The following CARNMT1 variants were observed in gnomAD, a reference collection of about 807,000 sequenced individuals.
CARNMT1 encodes carnosine N-methyltransferase 1.
CARNMT1 carries 28 observed loss-of-function variants against 49.6 expected under a neutral mutation model. That is an observed-to-expected ratio of 0.56 (90% CI 0.42 to 0.77). The LOEUF (loss-of-function observed/expected upper bound fraction) is 0.77. CARNMT1 is among the 30% of genes least tolerant of loss of function. CARNMT1 has a pLI of 0.00. For synonymous variants in CARNMT1, 178 were observed against 175.0 expected, an observed-to-expected ratio of 1.02 and a Z score of -0.13; for missense variants, 421 against 512.6, an observed-to-expected ratio of 0.82 and a Z score of 1.73.
At position 75,016,402 on chromosome 9, in the gene CARNMT1, T is replaced by C. The variant is rs377279854; in HGVS notation, c.456A>G (p.Thr152=). Residue 152 remains threonine (T), a synonymous_variant, in exon 3 of 8, where the codon ACA becomes ACG. Coordinates refer to ENST00000376834, the MANE Select transcript of CARNMT1 (RefSeq NM_152420.3). The part of the protein sequence containing the change: ...DGNGKIMPAS[T]FDMDKLKSTL... ...TGGATTTTAACTTATCCATGTCAAA[T>C]GTAGATGCTGGCATAATCTTTCCAT... 7 of 1,613,908 alleles carry C rather than the reference T, an allele frequency of 4.3e-6. No homozygotes were observed. The African/African-American group carries it at 9.3e-5, about 22-fold the overall frequency.
intron 6 of CARNMT1, among the ~76,000 whole-genome samples, chr9:74,990,431 G>C (rs1289608426): frequency 1.3e-5 from 2 of 152,174 alleles, no homozygotes; most frequent in African/African-American, 4.8e-5. Context: ...TGTTGCATTG[G>C]AACTAAAGTT....
chr9:75,021,515 T>C (rs1822363427), intron 1 of CARNMT1, among the ~76,000 whole-genome samples: 1 of 148,922 alleles, frequency 6.7e-6, no homozygotes, highest in South Asian at 2.1e-4. Flanking sequence ...AGTAGGTATA[T>C]CTCATTTATA....
rs2118740446 is a variant in CARNMT1 at position 74,983,325 on chromosome 9, G to A, written c.*442C>T. ...AGTGAACAAAGTCCCAACTCCAGAT[G>A]TTGAATATGACTGAGGATCCTTAGA... On this transcript the variant is annotated 3_prime_UTR_variant, in exon 8 of 8. Transcript: ENST00000376834. 1 of 151,822 alleles carries A rather than the reference G, an allele frequency of 6.6e-6. No homozygotes were observed. Among genetic ancestry groups the A allele is most frequent in the East Asian group, 1.9e-4 (1 of 5,180 alleles). The allele number at this position is 151,822 out of a possible 1,614,324, so 9.4% of individuals were successfully genotyped here.
chr9:74,991,755 T>C (rs1161793003), intron 6 of CARNMT1: 2 of 152,164 alleles, frequency 1.3e-5, no homozygotes, highest in African/African-American at 4.8e-5. Context: ...AGCACCTCGT[T>C]TTCCAGAGTT....
chr9:75,025,880 T>C (rs1045073503), intron 1 of CARNMT1, among the ~76,000 whole-genome samples: 23 of 152,326 alleles, frequency 1.5e-4, no homozygotes, highest in African/African-American at 4.6e-4. Flanking sequence ...ACCTGAAATA[T>C]GGGTAGTGAA....
rs531761715 is a variant in CARNMT1, at chr9:74,982,991, T to C, written c.*776A>G. The stretch of plus-strand genomic sequence containing the variant: ...TATATTTTACCGGCCTGTGATGCTA[T>C]TAAATTTAACATTTCATAAAAAAGA... On this transcript the variant is annotated 3_prime_UTR_variant, in exon 8 of 8. Transcript: ENST00000376834. 1 of 152,306 alleles carries C rather than the reference T, an allele frequency of 6.6e-6. No individual in the cohort carries two copies. The highest frequency in any genetic ancestry group is 1.9e-4 in the East Asian group (1 of 5,192). The allele number at this position is 152,306 out of a possible 1,614,324, so 9.4% of individuals were successfully genotyped here.
Position 75,028,096 on chromosome 9 carries a change from G to GCCGCCGCTGCCGCCGAAA in CARNMT1, c.128_145dup (p.Val43_Ala48dup), listed in dbSNP as rs1311387129. The GCCGCCGCTGCCGCCGAAA allele has an allele frequency of 6.5e-7, 1 of 1,544,864 alleles. No homozygotes were observed. The highest frequency in any genetic ancestry group is 1.4e-5 in the African/African-American group (1 of 70,438). On this transcript the variant is annotated inframe_insertion, in exon 1 of 8. Transcript: ENST00000376834. ...CTCCTCCTCGGTGCTGCGCGTGGCC[G>GCCGCCGCTGCCGCCGAAA]CCGCCGCTGCCGCCGAAACCGCCGC... is the stretch of plus-strand genomic sequence containing the variant.
chr9:75,015,158 G>C (rs1335404785), intron 3 of CARNMT1, among the ~76,000 whole-genome samples: 1 of 152,102 alleles, frequency 6.6e-6, no homozygotes, highest in Non-Finnish European at 1.5e-5. Context: ...AAGGGAATGG[G>C]AAAAAATTAC....
intron 6 of CARNMT1, among the ~76,000 whole-genome samples, chr9:74,986,783 A>C (rs2118750899): frequency 6.6e-6 from 1 of 152,262 alleles, no homozygotes; most frequent in East Asian, 1.9e-4. Flanking sequence ...ATTCTTCTTA[A>C]TGTGGCATAT....
At chr9:74,998,858 T>C in intron 4 of CARNMT1, 82 bp from the exon 5 acceptor site, 3 of 770,608 alleles carry the variant, frequency 3.9e-6, no homozygotes, top group Admixed American at 6.7e-5. Flanking sequence ...AATATACTGT[T>C]TAATTGAAGA....
chr9:74,994,216 C>T (rs1443713297), intron 6 of CARNMT1, among the ~76,000 whole-genome samples: 34 of 152,210 alleles, frequency 2.2e-4, no homozygotes. Context: ...AGAGCCCTCA[C>T]TAGACACCAA....
At chr9:74,984,867 T>C (rs1832784121) in intron 7 of CARNMT1, 40 bp downstream of exon 7, 1 of 1,316,604 alleles carries the variant, frequency 7.6e-7, no homozygotes, top group Non-Finnish European at 1.1e-6. Flanking sequence ...TTGAGGTGCT[T>C]TGGGAGTTAA....
rs540666506 is a variant in CARNMT1 at position 75,000,865 on chromosome 9, C to T, written c.591-995G>A. ...TTACTAGTAGCCCATATAACCTTTG[C>T]ATGTCCCACTTCAAAATAAGAAAGA... On this transcript the variant is annotated intron_variant, in intron 3 of 7. Transcript: ENST00000376834. 3.5e-3 allele frequency among the ~76,000 whole-genome samples: 526 copies of T among 152,228 alleles called. 6 individuals are homozygous for T. The highest frequency in any genetic ancestry group is 0.029 in the South Asian group (141 of 4,824).
intron 3 of CARNMT1, among the ~76,000 whole-genome samples, chr9:75,010,999 G>T (rs1833675659): frequency 6.6e-6 from 1 of 151,232 alleles, no homozygotes; most frequent in African/African-American, 2.4e-5. Context: ...GAGGGCAAAA[G>T]ACATAAATAT....
At chr9:75,023,189 T>C (rs1334527644) in intron 1 of CARNMT1, among the ~76,000 whole-genome samples, 1 of 151,694 alleles carries the variant, frequency 6.6e-6, no homozygotes, top group Non-Finnish European at 1.5e-5. Context: ...AAATGCCTCT[T>C]CTCCTAGTCC....
intron 3 of CARNMT1, among the ~76,000 whole-genome samples, chr9:75,013,878 G>A (rs554117498): frequency 6.6e-6 from 1 of 151,480 alleles, no homozygotes; most frequent in South Asian, 2.1e-4. Flanking sequence ...GGCTGAGGTG[G>A]GAGGAGTACT....
At chr9:74,984,319 C>G (rs201854380) in intron 7 of CARNMT1, among the ~76,000 whole-genome samples, 1 of 152,132 alleles carries the variant, frequency 6.6e-6, no homozygotes. Context: ...TTCCCCAGAG[C>G]CTACTCTACT....
At chr9:75,028,374 C>T (rs1389722963), upstream of CARNMT1, 5 of 1,301,884 alleles carry the variant, frequency 3.8e-6, no homozygotes, top group Admixed American at 4.2e-5. Flanking sequence ...CCGCCCCCGC[C>T]ACCCTCAGGC....
chr9:75,004,370 G>A (rs1189349331), intron 3 of CARNMT1, among the ~76,000 whole-genome samples: 1 of 152,120 alleles, frequency 6.6e-6, no homozygotes, highest in African/African-American at 2.4e-5. Context: ...ATGAGATTGA[G>A]TGTCCTGTAT....
Sources: gnomAD v4.1 joint callset for allele counts (sites outside exome capture counted in the v4.1 genomes callset) on GRCh38, gnomAD v4.1.1 for gene constraint, MANE v1.5 for transcripts, NCBI Gene and HGNC (gene_info 2026-07-23, HGNC 2026-07-21) for gene names.